Variants in DNAJB4 observed in about 807,000 individuals in gnomAD.
DNAJB4 encodes the protein dnaJ homolog subfamily B member 4.
DNAJB4 carries 10 observed loss-of-function variants against 26.6 expected under a neutral mutation model. The observed-to-expected ratio is 0.38, with a 90% confidence interval of 0.23 to 0.64. The LOEUF (loss-of-function observed/expected upper bound fraction) is 0.64. Among genes scored for constraint, DNAJB4 ranks in the 30% least tolerant of loss-of-function variants. DNAJB4 has a pLI of 0.58. For synonymous variants in DNAJB4, 136 were observed against 134.8 expected (o/e 1.01, Z -0.06); for missense variants, 328 against 408.2 (o/e 0.80, Z 1.69).
At chr1:77,994,665 T>A (rs868252958) in intron 1 of DNAJB4, among the ~76,000 whole-genome samples, 3 of 151,912 alleles carry the variant, frequency 2.0e-5, no homozygotes, top group East Asian at 1.9e-4. Context: ...GAAAAGAGTA[T>A]GAGAAGAGAC....
In DNAJB4 at chr1:78,017,872, A is replaced by G. The variant is rs1220623375; in HGVS notation, c.*1625A>G. 2.0e-5 allele frequency: 3 copies of G among 150,888 alleles called. No individual in the cohort carries two copies. Among genetic ancestry groups the G allele is most frequent in the Non-Finnish European group, 4.4e-5 (3 of 67,890 alleles). The allele number at this position is 150,888 out of a possible 1,614,324, so 9.3% of individuals were successfully genotyped here. A position where few individuals can be genotyped will look rare whatever the true frequency, so the allele number is the denominator to read the frequency against. On this transcript the variant is annotated 3_prime_UTR_variant, in exon 3 of 3. Coordinates refer to ENST00000370763, the MANE Select transcript of DNAJB4 (RefSeq NM_007034.5). ...CTTTATTTTTTGTGTGGCACGTCAT[A>G]TGGATATACCACAATTTGTTTATCT...
At position 77,987,342 on chromosome 1, in the gene DNAJB4, C is replaced by T. The variant is rs543473292; in HGVS notation, c.-32+7020C>T. 3.9e-5 allele frequency among the ~76,000 whole-genome samples: 6 copies of T among 152,352 alleles called. No individual in the cohort carries two copies. In the South Asian group the frequency reaches 1.2e-3, roughly 32 times the overall value. The stretch of plus-strand genomic sequence containing the variant: ...GCAGTGGTGCAATCTTAGCTCACTG[C>T]AGCCTTGAGCTCTTGGGCTCAAGTG... On this transcript the variant is annotated intron_variant, in intron 1 of 2. Transcript: ENST00000426517.
intron 1 of DNAJB4, among the ~76,000 whole-genome samples, chr1:78,011,485 CTTT>C (rs34009878): frequency 2.6e-4 from 33 of 125,584 alleles, no homozygotes; most frequent in Non-Finnish European, 2.8e-4. Context: ...TATTTTAATT[CTTT>C]TTTTTTTTTT....
chr1:77,991,800 A>G (rs759983240), intron 1 of DNAJB4, among the ~76,000 whole-genome samples: 54 of 152,312 alleles, frequency 3.5e-4, no homozygotes, highest in Non-Finnish European at 7.1e-4. Flanking sequence ...TAAGCACAAG[A>G]AGGCTGTGAT....
intron 1 of DNAJB4, among the ~76,000 whole-genome samples, chr1:78,008,635 G>A (rs1025705906): frequency 2.0e-5 from 3 of 151,968 alleles, no homozygotes; most frequent in Non-Finnish European, 4.4e-5. Context: ...TTGGAATGAT[G>A]GAAATGTTCT....
chr1:77,990,124 A>T (rs1659896491), intron 1 of DNAJB4, among the ~76,000 whole-genome samples: 2 of 152,186 alleles, frequency 1.3e-5, no homozygotes, highest in Admixed American at 1.3e-4. Context: ...CTGGGAGAAG[A>T]TATCTGTTAG....
At chr1:78,014,200 C>T (rs990119216) in intron 2 of DNAJB4, among the ~76,000 whole-genome samples, 3 of 151,684 alleles carry the variant, frequency 2.0e-5, no homozygotes, top group African/African-American at 7.3e-5. Flanking sequence ...CCTCTGCCTC[C>T]GGGTTCAAGT....
upstream of DNAJB4, among the ~76,000 whole-genome samples, chr1:78,000,844 C>T (rs1174915482): frequency 1.3e-5 from 2 of 152,064 alleles, no homozygotes; most frequent in Non-Finnish European, 2.9e-5. Flanking sequence ...ATTAGCTGGG[C>T]GTGGTGGCAC....
At chr1:77,994,494 C>T (rs1425370807) in intron 1 of DNAJB4, among the ~76,000 whole-genome samples, 1 of 151,814 alleles carries the variant, frequency 6.6e-6, no homozygotes, top group Non-Finnish European at 1.5e-5. Flanking sequence ...GGCTAAGAGC[C>T]TAATAATTCA....
chr1:77,981,061 T>C (rs2102580998), intron 1 of DNAJB4: 1 of 152,326 alleles, frequency 6.6e-6, no homozygotes, highest in South Asian at 2.1e-4. Context: ...TTTTGATCAA[T>C]GTAATTTACC....
At chr1:78,005,365 CTT>C (rs72506830) in intron 1 of DNAJB4, 44 bp downstream of exon 1, 134 of 1,173,506 alleles carry the variant, frequency 1.1e-4, no homozygotes, top group Middle Eastern at 3.0e-4. Flanking sequence ...AGCTCTGTCT[CTT>C]TTTTTTTTTT....
chr1:78,002,085 T>A (rs1423404040), upstream of DNAJB4, among the ~76,000 whole-genome samples: 1 of 152,220 alleles, frequency 6.6e-6, no homozygotes, highest in African/African-American at 2.4e-5. Flanking sequence ...GATATCTAAA[T>A]ATTCCATATA....
Position 78,012,630 on chromosome 1 carries a change from A to G in DNAJB4, c.212-421A>G, listed in dbSNP as rs1258731792. Among the ~76,000 whole-genome samples, 8 of 152,116 alleles carry G rather than the reference A, an allele frequency of 5.3e-5. No individual in the cohort carries two copies. In the East Asian group the frequency reaches 1.6e-3, roughly 30 times the overall value. ...TTCGAGACCAGCCTGACCAACATGA[A>G]GAAACCTCGTCTCTACTAAAAATAC... On this transcript the variant is annotated intron_variant, in intron 1 of 2. Coordinates refer to ENST00000370763, the MANE Select transcript of DNAJB4 (RefSeq NM_007034.5).
intron 1 of DNAJB4, among the ~76,000 whole-genome samples, chr1:77,981,939 GATT>G (rs1659659085): frequency 6.6e-6 from 1 of 152,188 alleles, no homozygotes; most frequent in Admixed American, 6.5e-5. Flanking sequence ...ATAGGAAATA[GATT>G]ATTAATTTTT....
At chr1:77,983,901 C>G (rs1192038771) in intron 1 of DNAJB4, among the ~76,000 whole-genome samples, 3 of 152,152 alleles carry the variant, frequency 2.0e-5, no homozygotes, top group African/African-American at 7.2e-5. Flanking sequence ...CAAGCTCTGG[C>G]CGACTTTTGC....
chr1:77,991,410 G>T (rs74225876), intron 1 of DNAJB4, among the ~76,000 whole-genome samples: 4,405 of 152,188 alleles, frequency 0.029, 83 homozygotes, highest in Middle Eastern at 0.075. Context: ...ATGCTTTCAA[G>T]GTCATTTTTA....
chr1:77,988,086 A>G (rs1659842429), intron 1 of DNAJB4, among the ~76,000 whole-genome samples: 2 of 135,054 alleles, frequency 1.5e-5, no homozygotes, highest in Admixed American at 1.5e-4. Context: ...AGTGCAGTGT[A>G]TAATCAGAGC....
At chr1:78,008,076 T>C (rs1199002642) in intron 1 of DNAJB4, among the ~76,000 whole-genome samples, 1 of 152,164 alleles carries the variant, frequency 6.6e-6, no homozygotes, top group East Asian at 1.9e-4. Flanking sequence ...GTTGGCTAGC[T>C]GGGTGAGGTG....
chr1:78,012,808 C>T (rs1267842049), intron 1 of DNAJB4, among the ~76,000 whole-genome samples: 1 of 80,098 alleles, frequency 1.2e-5, no homozygotes, highest in East Asian at 4.8e-4. Context: ...GAAACTCTGT[C>T]TCAAAAACAC....
Sources: allele counts gnomAD v4.1 joint callset (sites outside exome capture counted in the v4.1 genomes callset), GRCh38; gene constraint gnomAD v4.1.1; transcripts MANE v1.5; gene names NCBI Gene and HGNC (gene_info 2026-07-23, HGNC 2026-07-21).